Variants in KPNA4 observed in about 807,000 individuals in gnomAD.
KPNA4 encodes the protein importin subunit alpha-3.
KPNA4 carries 13 observed loss-of-function variants against 71.3 expected under a neutral mutation model. That is an observed-to-expected ratio of 0.18 (90% confidence interval 0.12 to 0.29). KPNA4 has a LOEUF of 0.29. Among genes scored for constraint, KPNA4 ranks in the 10% least tolerant of loss-of-function variants. The pLI is 1.00. For missense variants in KPNA4, 334 were observed against 603.2 expected, an observed-to-expected ratio of 0.55 and a Z score of 4.67; for synonymous variants, 189 against 195.2, an observed-to-expected ratio of 0.97 and a Z score of 0.26.
At chr3:160,562,608 TG>T (rs957368029) in intron 1 of KPNA4, among the ~76,000 whole-genome samples, 14 of 152,220 alleles carry the variant, frequency 9.2e-5, no homozygotes, top group African/African-American at 3.4e-4. Context: ...TAAAAAAGAA[TG>T]TTTCTATCTC....
intron 16 of KPNA4, among the ~76,000 whole-genome samples, chr3:160,503,689 A>C (rs538534052): frequency 6.6e-6 from 1 of 152,352 alleles, no homozygotes; most frequent in African/African-American, 2.4e-5. Context: ...CTACATGTTG[A>C]GGTATTAGAA....
rs1482767370 is a variant in KPNA4 at position 160,525,964 on chromosome 3, G to A, written c.700C>T (p.Pro234Ser). Residue 234 changes from proline (P) to serine (S), a missense_variant, in exon 9 of 17, where the codon CCA becomes TCA. Physicochemically the swap from Pro to Ser is moderately conservative, Grantham distance 74. Coordinates refer to ENST00000334256, the MANE Select transcript of KPNA4 (RefSeq NM_002268.5). The part of the protein sequence containing the change: ...MVNLCRHKDP[P>S]PPMETIQEIL... ...TCCTGAATGGTTTCCATTGGTGGTGGTGGGTCTTTGTGGCGACATAAGTTG... is the reference window on the plus strand; with the variant it reads ...TCCTGAATGGTTTCCATTGGTGGTGATGGGTCTTTGTGGCGACATAAGTTG... 1 of 1,587,440 alleles carries A rather than the reference G, an allele frequency of 6.3e-7. No individual in the cohort carries two copies.
chr3:160,525,654 C>A, intron 10 of KPNA4, 146 bp downstream of exon 10: 1 of 365,482 alleles, frequency 2.7e-6, no homozygotes, highest in Non-Finnish European at 5.0e-6. Context: ...AATAACTAAT[C>A]TAATATAAAA....
chr3:160,508,391 T>C (rs1721028023), intron 14 of KPNA4, 122 bp from the exon 15 acceptor site: 4 of 589,630 alleles, frequency 6.8e-6, no homozygotes, highest in African/African-American at 5.8e-5. Flanking sequence ...ATCTCTCTCA[T>C]GTTAAGTGTG....
chr3:160,561,866 A>G (rs1172096147), intron 1 of KPNA4, among the ~76,000 whole-genome samples: 1 of 152,098 alleles, frequency 6.6e-6, no homozygotes, highest in African/African-American at 2.4e-5. Flanking sequence ...GAAAAGCTGA[A>G]GGTGATAAAA....
intron 7 of KPNA4, 114 bp from the exon 8 acceptor site, chr3:160,528,153 A>C: frequency 1.6e-6 from 1 of 636,106 alleles, no homozygotes; most frequent in South Asian, 2.0e-5. Flanking sequence ...AATATACTTA[A>C]AATATAACCT....
intron 1 of KPNA4, among the ~76,000 whole-genome samples, chr3:160,544,545 C>G (rs1577060218): frequency 6.6e-6 from 1 of 152,148 alleles, no homozygotes; most frequent in Non-Finnish European, 1.5e-5. Flanking sequence ...GCATGGGTGA[C>G]AGAGAGAGAC....
At position 160,508,256 on chromosome 3, in the gene KPNA4, A is replaced by G. The variant is rs1212100950; in HGVS notation, c.1223T>C (p.Ile408Thr). ...AAAAGGTGGGATAACATTTTGTTGG[A>G]TAAGGTAAGCCACCTGAAGAATAAA... ...SGRKDQVAYL[I>T]QQNVIPPFCN... is the part of the protein sequence containing the mutation. The change falls in exon 15 of 17, where the codon ATC becomes ACC. Residue 408 changes from isoleucine to threonine, a missense_variant. By Grantham distance (89) the Ile-to-Thr change is moderately conservative. Transcript: ENST00000334256. The G allele has an allele frequency of 6.8e-6, 11 of 1,607,416 alleles. No homozygotes were observed. The highest frequency in any genetic ancestry group is 9.3e-6 in the Non-Finnish European group (11 of 1,177,058).
In KPNA4 at chr3:160,498,139, C is replaced by G. The variant is rs1053166241; in HGVS notation, c.*3965G>C. The G allele has an allele frequency of 6.6e-6, 1 of 152,118 alleles. No individual in the cohort carries two copies. The highest frequency in any genetic ancestry group is 2.4e-5 in the African/African-American group (1 of 41,400). The allele number at this position is 152,118 out of a possible 1,614,324, so 9.4% of individuals were successfully genotyped here. ...TGGGCAAGTCACCTCAACAACTCAT[C>G]ATCTAAAGGGAAGGGTTGGGACAGA... On this transcript the variant is annotated 3_prime_UTR_variant, in exon 17 of 17. Coordinates refer to ENST00000334256, the MANE Select transcript of KPNA4 (RefSeq NM_002268.5).
At chr3:160,524,621 G>A (rs945090688) in intron 10 of KPNA4, among the ~76,000 whole-genome samples, 1 of 152,086 alleles carries the variant, frequency 6.6e-6, no homozygotes, top group African/African-American at 2.4e-5. Context: ...TGGGACAATA[G>A]GCATAAGCCA....
chr3:160,546,730 T>C lies in KPNA4; in HGVS notation c.70-9890A>G, dbSNP rs200465535. On this transcript the variant is annotated intron_variant, in intron 1 of 16. Transcript: ENST00000334256. ...CGCTCCCCACCCCTCATCTACTGAA[T>C]TCTGGTCTGTTTCTGCTACCATTAT... Among the ~76,000 whole-genome samples, 6 of 135,796 alleles carry C rather than the reference T, an allele frequency of 4.4e-5. No homozygotes were observed. In the East Asian group the frequency reaches 1.0e-3, roughly 23 times the overall value. 89.1% of individuals were successfully genotyped at this position (135,796 alleles called of 152,430 possible).
intron 1 of KPNA4, among the ~76,000 whole-genome samples, chr3:160,553,396 T>C (rs1299844789): frequency 6.6e-6 from 1 of 152,174 alleles, no homozygotes; most frequent in Non-Finnish European, 1.5e-5. Flanking sequence ...TCAGTCAGAT[T>C]ATCTCTTAGT....
chr3:160,504,087 GA>G (rs1328892971), intron 16 of KPNA4, among the ~76,000 whole-genome samples: 3 of 151,718 alleles, frequency 2.0e-5, no homozygotes, highest in Middle Eastern at 3.4e-3. Context: ...AAGAAAGAAA[GA>G]AAAAAAACTT....
chr3:160,533,620 T>A (rs1169439491), intron 5 of KPNA4, among the ~76,000 whole-genome samples: 2 of 152,170 alleles, frequency 1.3e-5, no homozygotes, highest in African/African-American at 4.8e-5. Context: ...AATATAATTT[T>A]TACAAAATAT....
At chr3:160,559,530 T>A (rs1384486559) in intron 1 of KPNA4, among the ~76,000 whole-genome samples, 1 of 152,188 alleles carries the variant, frequency 6.6e-6, no homozygotes, top group Non-Finnish European at 1.5e-5. Flanking sequence ...AAATGTTACA[T>A]CTGAAGTGCA....
At chr3:160,502,649 G>T (rs1720906095) in intron 16 of KPNA4, among the ~76,000 whole-genome samples, 1 of 152,114 alleles carries the variant, frequency 6.6e-6, no homozygotes, top group Admixed American at 6.5e-5. Context: ...GAGATTACAG[G>T]TGTGAGCCAC....
intron 11 of KPNA4, among the ~76,000 whole-genome samples, chr3:160,518,585 C>A (rs184416592): frequency 6.6e-6 from 1 of 150,656 alleles, no homozygotes; most frequent in African/African-American, 2.4e-5. Flanking sequence ...CTTGGCCGGG[C>A]GCGGTGGCTC....
chr3:160,540,684 T>C (rs951120862), intron 1 of KPNA4, among the ~76,000 whole-genome samples: 3 of 152,218 alleles, frequency 2.0e-5, no homozygotes, highest in Non-Finnish European at 4.4e-5. Context: ...CATGAAAATA[T>C]ATTAGTTGTG....
At chr3:160,521,623 C>A (rs1470875277) in intron 11 of KPNA4, among the ~76,000 whole-genome samples, 156 bp downstream of exon 11, 1 of 152,124 alleles carries the variant, frequency 6.6e-6, no homozygotes, top group Non-Finnish European at 1.5e-5. Context: ...TAGTAATCTA[C>A]AATGGCATCT....
Sources: allele counts gnomAD v4.1 joint callset (sites outside exome capture counted in the v4.1 genomes callset), GRCh38; gene constraint gnomAD v4.1.1; transcripts MANE v1.5; gene names NCBI Gene and HGNC (gene_info 2026-07-23, HGNC 2026-07-21).